The following MYT1L variants were observed in gnomAD, a reference collection of about 807,000 sequenced individuals.
The protein encoded by MYT1L is myelin transcription factor 1 like, also known as myelin transcription factor 1-like protein.
A neutral mutation model predicts 126.7 loss-of-function variants in MYT1L; 12 were observed. The ratio of observed to expected loss-of-function variants is 0.09; its 90% CI spans 0.06 to 0.15. The LOEUF (loss-of-function observed/expected upper bound fraction) is 0.15. MYT1L is among the 10% of genes least tolerant of loss of function. The pLI is 1.00. For synonymous variants in MYT1L, 541 were observed against 604.2 expected, an observed-to-expected ratio of 0.90 and a Z score of 1.53; for missense variants, 979 against 1,585.2, an observed-to-expected ratio of 0.62 and a Z score of 6.49.
chr2:1,892,525 C>CTTTTT, intron 14 of MYT1L, among the ~76,000 whole-genome samples: 1 of 103,616 alleles, frequency 9.7e-6, no homozygotes. Context: ...TTTTTTTTTG[C>CTTTTT]CCTGGAGGAT....
At chr2:2,284,278 A>G (rs946239795) in intron 2 of MYT1L, 126 bp downstream of exon 2, 2 of 152,136 alleles carry the variant, frequency 1.3e-5, no homozygotes, top group Non-Finnish European at 2.9e-5. Context: ...AGCAAGAAAT[A>G]ACTGGTACAA....
chr2:2,298,371 T>G (rs1031032695), intron 1 of MYT1L, among the ~76,000 whole-genome samples: 1 of 152,184 alleles, frequency 6.6e-6, no homozygotes, highest in African/African-American at 2.4e-5. Context: ...CGATGAAGCT[T>G]AAAGTCTGAA....
At chr2:2,069,461 C>T (rs888500862) in intron 3 of MYT1L, among the ~76,000 whole-genome samples, 1 of 152,094 alleles carries the variant, frequency 6.6e-6, no homozygotes, top group African/African-American at 2.4e-5. Context: ...TTGCTTTATC[C>T]AGTCTATCAT....
chr2:2,253,210 A>G (rs1372076385), intron 2 of MYT1L, among the ~76,000 whole-genome samples: 1 of 152,032 alleles, frequency 6.6e-6, no homozygotes, highest in Non-Finnish European at 1.5e-5. Context: ...AGCGGGCTCC[A>G]CTGTCCAGCC....
At chr2:1,911,842 T>C (rs2052034563) in intron 12 of MYT1L, among the ~76,000 whole-genome samples, 178 bp downstream of exon 12, 1 of 152,154 alleles carries the variant, frequency 6.6e-6, no homozygotes, top group Non-Finnish European at 1.5e-5. Flanking sequence ...ACTAAAACCA[T>C]CCAGTTTGCA....
chr2:1,927,314 G>A (rs1229154069), intron 9 of MYT1L, among the ~76,000 whole-genome samples: 1 of 152,238 alleles, frequency 6.6e-6, no homozygotes, highest in African/African-American at 2.4e-5. Context: ...ACACCTCCAT[G>A]AGTGAGATTT....
At chr2:1,932,550 G>C (rs2055152397) in intron 9 of MYT1L, among the ~76,000 whole-genome samples, 1 of 152,176 alleles carries the variant, frequency 6.6e-6, no homozygotes, top group Non-Finnish European at 1.5e-5. Flanking sequence ...CATTGCAGTT[G>C]GTGAAAGAGG....
At chr2:2,049,980 T>C (rs559504678) in intron 4 of MYT1L, among the ~76,000 whole-genome samples, 3 of 152,110 alleles carry the variant, frequency 2.0e-5, no homozygotes, top group Admixed American at 6.5e-5. Flanking sequence ...TATATAAATA[T>C]GTATATAGTA....
intron 2 of MYT1L, among the ~76,000 whole-genome samples, chr2:2,185,989 C>G: frequency 9.1e-6 from 1 of 110,138 alleles, no homozygotes; most frequent in African/African-American, 4.3e-5. Flanking sequence ...TTGAGGGGGA[C>G]GCAGCCAGGC....
At chr2:2,235,843 A>T (rs2094284073) in intron 2 of MYT1L, among the ~76,000 whole-genome samples, 1 of 152,130 alleles carries the variant, frequency 6.6e-6, no homozygotes, top group Non-Finnish European at 1.5e-5. Context: ...TTCTAATTAA[A>T]ATATTTCTCT....
chr2:1,974,292 C>G (rs114755755), intron 8 of MYT1L: 1 of 152,114 alleles, frequency 6.6e-6, no homozygotes, highest in East Asian at 1.9e-4. Flanking sequence ...TGGAGGTGCT[C>G]GGAGCAGCTG....
intron 21 of MYT1L, among the ~76,000 whole-genome samples, chr2:1,834,530 G>A (rs534401143): frequency 2.0e-5 from 3 of 152,198 alleles, no homozygotes; most frequent in Non-Finnish European, 2.9e-5. Flanking sequence ...GCTTGGATAC[G>A]TGCTACAACC....
rs528821564 is a variant in MYT1L at position 1,887,987 on chromosome 2, A to T, written c.2521-378T>A. Among the ~76,000 whole-genome samples the T allele has an allele frequency of 6.6e-6, 1 of 152,210 alleles. No individual in the cohort carries two copies. The highest frequency in any genetic ancestry group is 2.4e-5 in the African/African-American group (1 of 41,528). ...CAACACTTGCCTGCAAAGATTCAAC[A>T]CTGGAACTACAGTGTCTTAGGGCTG... is the stretch of plus-strand genomic sequence containing the variant. On this transcript the variant is annotated intron_variant, in intron 16 of 24. Transcript: ENST00000647738. This position sits in a 1 kb window ranked among gnomAD's most constrained non-coding sequence, Gnocchi z 4.8.
chr2:2,186,388 T>A lies in MYT1L; in HGVS notation c.-420-13400A>T, dbSNP rs534394188. Reference sequence around the variant, plus strand: ...TGCGGTCCTTACTGGTTAACTGTAGTCCCGCACTGTTAATGTTTTTCGTTT... The same window carrying A: ...TGCGGTCCTTACTGGTTAACTGTAGACCCGCACTGTTAATGTTTTTCGTTT... On this transcript the variant is annotated intron_variant, in intron 2 of 24. Coordinates refer to ENST00000647738, the MANE Select transcript of MYT1L (RefSeq NM_001303052.2). Among the ~76,000 whole-genome samples the A allele has an allele frequency of 1.8e-4, 27 of 152,354 alleles. No individual in the cohort carries two copies. In the East Asian group the frequency reaches 4.8e-3, roughly 27 times the overall value.
In MYT1L at chr2:1,923,097, T is replaced by G. The variant is rs961550417; in HGVS notation, c.672A>C (p.Glu224Asp). The change falls in exon 10 of 25, where the codon GAA becomes GAC. Residue 224 changes from glutamate to aspartate, a missense_variant. This residue lies in a region of MYT1L where 243 missense variants were observed against 363.9 expected (regional missense o/e 0.67). Coordinates refer to ENST00000647738, the MANE Select transcript of MYT1L (RefSeq NM_001303052.2). ...GACTATTGGAGGTATTGCTGTTCAT[T>G]TCTGACTCAGTCCTGGCCCGGTAGG... ...DAAYRARTES[E>D]MNSNTSNSLE... The G allele has an allele frequency of 8.7e-6, 14 of 1,613,926 alleles. No individual in the cohort carries two copies. The highest frequency in any genetic ancestry group is 1.2e-5 in the Non-Finnish European group (14 of 1,179,910).
At chr2:2,173,162 T>G (rs1336258007) in intron 2 of MYT1L, among the ~76,000 whole-genome samples, 174 bp from the exon 3 acceptor site, 1 of 152,226 alleles carries the variant, frequency 6.6e-6, no homozygotes, top group Admixed American at 6.5e-5. Context: ...ATATAAACTC[T>G]AATAATGGCT....
intron 1 of MYT1L, among the ~76,000 whole-genome samples, chr2:2,285,548 G>T (rs1292074929): frequency 6.6e-6 from 1 of 152,194 alleles, no homozygotes; most frequent in Admixed American, 6.5e-5. Flanking sequence ...ATTCTTCTAT[G>T]CTTTCAACTT....
intron 9 of MYT1L, among the ~76,000 whole-genome samples, chr2:1,933,394 C>T (rs2055289463): frequency 6.6e-6 from 1 of 152,058 alleles, no homozygotes; most frequent in Non-Finnish European, 1.5e-5. Flanking sequence ...ACAACTTGGG[C>T]CAGAAAAAAA....
At chr2:2,003,935 C>T (rs72767331) in intron 4 of MYT1L, among the ~76,000 whole-genome samples, 6,457 of 152,194 alleles carry the variant, frequency 0.042, 219 homozygotes, top group Non-Finnish European at 0.065. Flanking sequence ...GCCTTCTTTC[C>T]TGCATGAGTT....
Sources: allele counts gnomAD v4.1 joint callset (sites outside exome capture counted in the v4.1 genomes callset), GRCh38; gene constraint gnomAD v4.1.1; regional missense constraint gnomAD v4.1.1; non-coding constraint Gnocchi (gnomAD v3.1); transcripts MANE v1.5; gene names NCBI Gene and HGNC (gene_info 2026-07-23, HGNC 2026-07-21).